The following YIPF4 variants were observed in gnomAD, a reference collection of about 807,000 sequenced individuals.
The protein encoded by YIPF4 is protein YIPF4.
YIPF4 carries 18 observed loss-of-function variants against 29.4 expected under a neutral mutation model. The ratio of observed to expected loss-of-function variants is 0.61; its 90% CI spans 0.42 to 0.91. YIPF4 has a LOEUF of 0.91. YIPF4 is among the 40% of genes least tolerant of loss of function. The probability of loss-of-function intolerance (pLI) is 0.00; values close to 1 mark genes in which losing one functional copy is unlikely to be tolerated. For missense variants in YIPF4, 279 were observed against 282.7 expected (o/e 0.99, Z 0.09); for synonymous variants, 115 against 104.7 (o/e 1.10, Z -0.60).
chr2:32,278,019 G>T lies in YIPF4; in HGVS notation c.-137G>T. The T allele has an allele frequency of 1.4e-6, 1 of 704,766 alleles. No homozygotes were observed. Among genetic ancestry groups the T allele is most frequent in the Non-Finnish European group, 2.3e-6 (1 of 443,230 alleles). 43.7% of individuals were successfully genotyped at this position (704,766 alleles called of 1,614,324 possible). ...TCAGCGGCCCGCTGTGCCCGTTTCT[G>T]GCCTCGCTCGCAGCTTGCACGTCGA... On this transcript the variant is annotated 5_prime_UTR_variant, in exon 1 of 6. Transcript: ENST00000238831.
chr2:32,307,056 A>T lies in YIPF4; in HGVS notation c.*1430A>T, dbSNP rs1015923773. 1.3e-5 allele frequency: 16 copies of T among 1,216,494 alleles called. No individual in the cohort carries two copies. The African/African-American group carries it at 2.4e-4, about 18-fold the overall frequency. 75.4% of individuals were successfully genotyped at this position (1,216,494 alleles called of 1,614,324 possible). A position where few individuals can be genotyped will look rare whatever the true frequency, so the allele number is the denominator to read the frequency against. On this transcript the variant is annotated 3_prime_UTR_variant, in exon 6 of 6. Coordinates refer to ENST00000238831, the MANE Select transcript of YIPF4 (RefSeq NM_032312.4). ...GCAGAAAAAGTGTGGAGCACTTTTG[A>T]GCTAGAATAATGTAGAAAATTACAT...
intron 1 of YIPF4, among the ~76,000 whole-genome samples, chr2:32,286,394 C>G (rs1354046349): frequency 6.6e-6 from 1 of 152,034 alleles, no homozygotes; most frequent in Non-Finnish European, 1.5e-5. Flanking sequence ...AAAGAAATTT[C>G]ATCTTTTTGT....
At position 32,301,443 on chromosome 2, in the gene YIPF4, C is replaced by T. The variant is rs1202455171; in HGVS notation, c.545C>T (p.Ala182Val). The change falls in exon 5 of 6, where the codon GCC becomes GTC. Residue 182 changes from alanine (A) to valine (V), a missense_variant. Transcript: ENST00000238831. ...GYSLLPLIVIAPVLLVVGSFE... is the reference protein window; with the variant it reads ...GYSLLPLIVIVPVLLVVGSFE... ...TCATTACTTCCTCTCATTGTAATAG[C>T]CCCTGTACTTTTGGTGGTTGGATCA... 1 of 1,613,778 alleles carries T rather than the reference C, an allele frequency of 6.2e-7. No individual in the cohort carries two copies. The highest frequency in any genetic ancestry group is 1.7e-5 in the Admixed American group (1 of 60,004).
Position 32,277,958 on chromosome 2 carries a change from A to T in YIPF4, c.-198A>T. 1.9e-6 allele frequency: 1 copy of T among 538,716 alleles called. No individual in the cohort carries two copies. Among genetic ancestry groups the T allele is most frequent in the Non-Finnish European group, 3.2e-6 (1 of 308,016 alleles). The allele number at this position is 538,716 out of a possible 1,614,324, so 33.4% of individuals were successfully genotyped here. On this transcript the variant is annotated 5_prime_UTR_variant, in exon 1 of 6. Coordinates refer to ENST00000238831, the MANE Select transcript of YIPF4 (RefSeq NM_032312.4). ...GCGTCGTGGTGCTTGGGTGGTCGCCACCAAGAAGACTTTGGTGGGGTAGTC... is the reference window on the plus strand; with the variant it reads ...GCGTCGTGGTGCTTGGGTGGTCGCCTCCAAGAAGACTTTGGTGGGGTAGTC...
intron 5 of YIPF4, among the ~76,000 whole-genome samples, chr2:32,304,180 T>C (rs1408113716): frequency 2.0e-5 from 3 of 152,190 alleles, no homozygotes; most frequent in Non-Finnish European, 4.4e-5. Flanking sequence ...GTTTCTTATT[T>C]CAGTCTGAGT....
At position 32,314,994 on chromosome 2, in the gene YIPF4, C is replaced by G. The variant is rs1354167347; in HGVS notation, c.*9368C>G. 6.6e-6 allele frequency: 1 copy of G among 152,144 alleles called. No individual in the cohort carries two copies. The highest frequency in any genetic ancestry group is 1.5e-5 in the Non-Finnish European group (1 of 68,022). The allele number at this position is 152,144 out of a possible 1,614,324, so 9.4% of individuals were successfully genotyped here. A position where few individuals can be genotyped will look rare whatever the true frequency, so the allele number is the denominator to read the frequency against. On this transcript the variant is annotated 3_prime_UTR_variant, in exon 6 of 6. Transcript: ENST00000238831. Reference sequence around the variant, plus strand: ...AAAATTCCTGTGATTACTAGCTTCACTGTGAGTTTATTTTTTCACGTAATA... The same window carrying G: ...AAAATTCCTGTGATTACTAGCTTCAGTGTGAGTTTATTTTTTCACGTAATA...
Position 32,300,277 on chromosome 2 carries a change from TA to T in YIPF4, c.484-1098del, listed in dbSNP as rs1184024960. Reference sequence around the variant, plus strand: ...GCGAAACTCCGTCTCAAAAAAAAGATAAAAAAATTAGCCGGGCATGGAGGCA... The same window carrying T: ...GCGAAACTCCGTCTCAAAAAAAAGATAAAAAATTAGCCGGGCATGGAGGCA... On this transcript the variant is annotated intron_variant, in intron 4 of 5. Coordinates refer to ENST00000238831, the MANE Select transcript of YIPF4 (RefSeq NM_032312.4). Among the ~76,000 whole-genome samples the T allele has an allele frequency of 3.6e-5, 5 of 137,356 alleles. No homozygotes were observed. In the East Asian group the frequency reaches 8.7e-4, roughly 24 times the overall value. The allele number at this position is 137,356 out of a possible 152,430, so 90.1% of individuals were successfully genotyped here.
intron 5 of YIPF4, among the ~76,000 whole-genome samples, chr2:32,302,222 G>A (rs977887722): frequency 2.7e-5 from 4 of 150,098 alleles, no homozygotes; most frequent in African/African-American, 9.8e-5. Context: ...GTAGAGACAG[G>A]GTTTCACCGT....
chr2:32,291,562 C>A (rs748693049), intron 2 of YIPF4, among the ~76,000 whole-genome samples: 1 of 151,968 alleles, frequency 6.6e-6, no homozygotes, highest in African/African-American at 2.4e-5. Flanking sequence ...AAGAAACAAA[C>A]CGTATACCAT....
chr2:32,278,097 T>A lies in YIPF4; in HGVS notation c.-59T>A, dbSNP rs2030179598. On this transcript the variant is annotated 5_prime_UTR_variant, in exon 1 of 6. Transcript: ENST00000238831. ...CGTGCGGGTCGCCGCCGCGGCCGCC[T>A]CGGGGTCTGGGCCCAGCCGCAGCCT... The A allele has an allele frequency of 6.8e-7, 1 of 1,474,918 alleles. No homozygotes were observed. The highest frequency in any genetic ancestry group is 9.1e-7 in the Non-Finnish European group (1 of 1,099,302). The allele number at this position is 1,474,918 out of a possible 1,614,324, so 91.4% of individuals were successfully genotyped here.
At chr2:32,292,044 C>T (rs886244286) in intron 2 of YIPF4, 133 bp from the exon 3 acceptor site, 12 of 518,944 alleles carry the variant, frequency 2.3e-5, no homozygotes, top group Non-Finnish European at 3.1e-5. Context: ...AAATGTGGCA[C>T]TTCAAATGCA....
chr2:32,278,339 G>A, intron 1 of YIPF4, 105 bp downstream of exon 1: 1 of 1,150,706 alleles, frequency 8.7e-7, no homozygotes, highest in Non-Finnish European at 1.2e-6. Flanking sequence ...GGGACAGGCA[G>A]GAAGCTGACT....
chr2:32,299,975 A>G (rs1458446603), intron 4 of YIPF4, among the ~76,000 whole-genome samples: 2 of 152,080 alleles, frequency 1.3e-5, no homozygotes, highest in African/African-American at 2.4e-5. Context: ...TCTACTAAAA[A>G]TACAAAAATT....
chr2:32,286,352 T>G (rs2030669107), intron 1 of YIPF4, among the ~76,000 whole-genome samples: 1 of 152,132 alleles, frequency 6.6e-6, no homozygotes. Context: ...AATCTATAAT[T>G]TTTCAAAATA....
At chr2:32,294,447 G>A (rs954972010) in intron 3 of YIPF4, among the ~76,000 whole-genome samples, 3 of 151,462 alleles carry the variant, frequency 2.0e-5, no homozygotes, top group East Asian at 2.0e-4. Context: ...GGGCAAAGGC[G>A]CTCCCCACAT....
chr2:32,292,395 CA>C, intron 3 of YIPF4, 47 bp downstream of exon 3: 1 of 1,329,738 alleles, frequency 7.5e-7, no homozygotes, highest in South Asian at 1.9e-5. Context: ...TTGAGAGTTT[CA>C]AAAATTAAAT....
chr2:32,285,988 C>G (rs944017411), intron 1 of YIPF4, among the ~76,000 whole-genome samples: 2 of 152,100 alleles, frequency 1.3e-5, no homozygotes, highest in African/African-American at 4.8e-5. Context: ...GTAATGGGTG[C>G]AAGAATAACT....
At chr2:32,291,657 G>A (rs940211926) in intron 2 of YIPF4, among the ~76,000 whole-genome samples, 5 of 152,148 alleles carry the variant, frequency 3.3e-5, no homozygotes, top group African/African-American at 1.2e-4. Flanking sequence ...CATAAAGCTG[G>A]GACATCAAAG....
At chr2:32,284,016 G>T (rs973454144) in intron 1 of YIPF4, among the ~76,000 whole-genome samples, 77 of 151,978 alleles carry the variant, frequency 5.1e-4, no homozygotes, top group Admixed American at 2.0e-4. Flanking sequence ...GAGTCACCAC[G>T]CCAGGCCTAA....
Sources: gnomAD v4.1 joint callset for allele counts (sites outside exome capture counted in the v4.1 genomes callset) on GRCh38, gnomAD v4.1.1 for gene constraint, MANE v1.5 for transcripts, NCBI Gene and HGNC (gene_info 2026-07-23, HGNC 2026-07-21) for gene names.